The following CTNNA2 variants were observed in gnomAD, a reference collection of about 807,000 sequenced individuals.
CTNNA2 encodes catenin alpha 2, also known as catenin alpha-2.
In CTNNA2, 42 loss-of-function variants were observed where a neutral mutation model predicts 101.0. The ratio of observed to expected loss-of-function variants is 0.42; its 90% CI spans 0.32 to 0.54. The LOEUF is 0.54. Among genes scored for constraint, CTNNA2 ranks in the 20% least tolerant of loss-of-function variants. The pLI, the probability that CTNNA2 is intolerant of heterozygous loss-of-function variation, is 0.14. For missense variants in CTNNA2, 871 were observed against 1,223.1 expected (o/e 0.71, Z 4.29); for synonymous variants, 450 against 456.4 (o/e 0.99, Z 0.18).
intron 7 of CTNNA2, among the ~76,000 whole-genome samples, chr2:79,933,379 C>A (rs1687576338): frequency 6.6e-6 from 1 of 151,948 alleles, no homozygotes; most frequent in African/African-American, 2.4e-5. Context: ...AAAATTGAAT[C>A]TCACAGAGTT....
chr2:79,803,398 A>G (rs1048417365), intron 3 of CTNNA2, among the ~76,000 whole-genome samples: 4 of 152,246 alleles, frequency 2.6e-5, no homozygotes, highest in African/African-American at 9.6e-5. Context: ...CAAGCCAGTC[A>G]TTAGCATTGT....
At chr2:79,480,223 G>A (rs931208575) in intron 4 of CTNNA2, among the ~76,000 whole-genome samples, 4 of 151,922 alleles carry the variant, frequency 2.6e-5, no homozygotes, top group African/African-American at 7.3e-5. Flanking sequence ...TCCCACCCAG[G>A]GAGGGCATTA....
At chr2:80,328,333 A>C (rs764213150) in intron 7 of CTNNA2, 47 of 471,000 alleles carry the variant, frequency 1.0e-4, no homozygotes, top group Non-Finnish European at 1.8e-4. Context: ...TCATGTGGTG[A>C]CTTCAAGTTG....
At chr2:79,886,665 G>A (rs1223268880) in intron 6 of CTNNA2, among the ~76,000 whole-genome samples, 2 of 139,642 alleles carry the variant, frequency 1.4e-5, no homozygotes, top group Non-Finnish European at 3.0e-5. Context: ...GTAGGAGAAT[G>A]GCATGAACCC....
intron 1 of CTNNA2, among the ~76,000 whole-genome samples, chr2:79,640,018 T>C (rs1165189984): frequency 2.0e-5 from 3 of 151,934 alleles, no homozygotes; most frequent in East Asian, 1.9e-4. Context: ...TGAGTACTCA[T>C]AGCATTTTGA....
chr2:79,473,764 C>T (rs1671025041), intron 4 of CTNNA2, among the ~76,000 whole-genome samples: 2 of 151,982 alleles, frequency 1.3e-5, no homozygotes, highest in Non-Finnish European at 2.9e-5. Flanking sequence ...GGAAAATAAG[C>T]AGAAACAATA....
At chr2:80,099,027 C>T (rs556789554) in intron 7 of CTNNA2, among the ~76,000 whole-genome samples, 92 of 151,964 alleles carry the variant, frequency 6.1e-4, no homozygotes, top group African/African-American at 2.0e-3. Flanking sequence ...ACCCACTGTC[C>T]GGCACTCCCC....
chr2:79,740,588 CAT>C (rs1278646049), intron 2 of CTNNA2, among the ~76,000 whole-genome samples: 1 of 152,086 alleles, frequency 6.6e-6, no homozygotes, highest in Non-Finnish European at 1.5e-5. Flanking sequence ...CATTTATAAA[CAT>C]ATATTCATAT....
chr2:79,502,325 C>T (rs1162295283), intron 4 of CTNNA2, among the ~76,000 whole-genome samples: 1 of 152,162 alleles, frequency 6.6e-6, no homozygotes, highest in Non-Finnish European at 1.5e-5. Flanking sequence ...GTGGACACAA[C>T]ATCAGACTTT....
intron 7 of CTNNA2, among the ~76,000 whole-genome samples, chr2:80,204,531 G>T (rs573153283): frequency 1.3e-5 from 2 of 152,112 alleles, no homozygotes; most frequent in Non-Finnish European, 2.9e-5. Flanking sequence ...TTCCCAATAA[G>T]TTCCTTATCT....
chr2:80,574,360 G>C (rs907092116), intron 13 of CTNNA2, 46 bp downstream of exon 13: 9 of 1,501,376 alleles, frequency 6.0e-6, no homozygotes, highest in Non-Finnish European at 8.1e-6. Context: ...TCTCCTAGTA[G>C]GAAACTAAAG....
chr2:79,304,518 C>G (rs1005326464), intron 2 of CTNNA2, among the ~76,000 whole-genome samples: 1 of 152,078 alleles, frequency 6.6e-6, no homozygotes, highest in Non-Finnish European at 1.5e-5. Context: ...AGTCACTTGT[C>G]AGACAAATAG....
intron 2 of CTNNA2, among the ~76,000 whole-genome samples, chr2:79,711,320 T>C (rs1279970593): frequency 6.6e-6 from 1 of 152,206 alleles, no homozygotes; most frequent in Non-Finnish European, 1.5e-5. Context: ...TCTCTTCTGC[T>C]ATTACTTTGC....
In CTNNA2 at chr2:79,873,459, G is replaced by A. The variant is rs79450528; in HGVS notation, c.586-617G>A. 8.6e-3 allele frequency among the ~76,000 whole-genome samples: 1,313 copies of A among 152,292 alleles called. 23 individuals are homozygous for A. The highest frequency in any genetic ancestry group is 0.03 in the African/African-American group (1,249 of 41,566). Reference sequence around the variant, plus strand: ...CAAAAAATACAGTAAAGTAGGAAGTGTTAGTGATAGGAGAGGAAGAGTGTC... The same window carrying A: ...CAAAAAATACAGTAAAGTAGGAAGTATTAGTGATAGGAGAGGAAGAGTGTC... On this transcript the variant is annotated intron_variant, in intron 5 of 18. Transcript: ENST00000402739.
At chr2:79,985,970 T>G (rs538991487) in intron 7 of CTNNA2, among the ~76,000 whole-genome samples, 1 of 152,252 alleles carries the variant, frequency 6.6e-6, no homozygotes, top group African/African-American at 2.4e-5. Context: ...GGAATAGACA[T>G]TTGCTTTCCG....
intron 7 of CTNNA2, among the ~76,000 whole-genome samples, chr2:79,917,788 T>C (rs564270363): frequency 4.0e-4 from 61 of 152,226 alleles, no homozygotes; most frequent in Non-Finnish European, 7.8e-4. Context: ...GGACATCTTC[T>C]CTGGTAGAAT....
chr2:79,428,181 A>T (rs745684449), intron 4 of CTNNA2, among the ~76,000 whole-genome samples: 1 of 152,004 alleles, frequency 6.6e-6, no homozygotes, highest in Non-Finnish European at 1.5e-5. Flanking sequence ...TTTAATGCAG[A>T]ACAGTTTAGC....
intron 7 of CTNNA2, among the ~76,000 whole-genome samples, chr2:80,372,113 A>G (rs1248812017): frequency 1.3e-5 from 2 of 152,150 alleles, no homozygotes; most frequent in East Asian, 1.9e-4. Flanking sequence ...CTCCCTCCCT[A>G]TGAAACAAAT....
chr2:79,763,621 T>G (rs1430005995), intron 3 of CTNNA2, among the ~76,000 whole-genome samples: 1 of 152,226 alleles, frequency 6.6e-6, no homozygotes, highest in Non-Finnish European at 1.5e-5. Flanking sequence ...GCATCATTTT[T>G]CCATCTCTAT....
Sources: allele counts gnomAD v4.1 joint callset (sites outside exome capture counted in the v4.1 genomes callset), GRCh38; gene constraint gnomAD v4.1.1; transcripts MANE v1.5; gene names NCBI Gene and HGNC (gene_info 2026-07-23, HGNC 2026-07-21).